Variants in FBXL17 observed in about 807,000 individuals in gnomAD.
FBXL17 encodes F-box/LRR-repeat protein 17.
FBXL17 carries 22 observed loss-of-function variants against 66.2 expected under a neutral mutation model. The ratio of observed to expected loss-of-function variants is 0.33; its 90% CI spans 0.24 to 0.47. FBXL17 has a LOEUF of 0.47. Among genes scored for constraint, FBXL17 ranks in the 20% least tolerant of loss-of-function variants. FBXL17 has a pLI of 1.00. For synonymous variants in FBXL17, 474 were observed against 400.5 expected (o/e 1.18, Z -2.19); for missense variants, 878 against 948.2 (o/e 0.93, Z 0.97).
intron 7 of FBXL17, among the ~76,000 whole-genome samples, chr5:107,996,516 C>T (rs1356034374): frequency 4.6e-5 from 7 of 152,074 alleles, no homozygotes; most frequent in African/African-American, 1.4e-4. Flanking sequence ...GGTTTTGCCA[C>T]GTTGGCCAGG....
chr5:108,174,288 G>C (rs1009497930), intron 6 of FBXL17, among the ~76,000 whole-genome samples: 5 of 152,076 alleles, frequency 3.3e-5, no homozygotes, highest in Admixed American at 1.3e-4. Context: ...ATATGGATGA[G>C]AGATATATTG....
chr5:107,875,727 T>C (rs1431743777), intron 8 of FBXL17, among the ~76,000 whole-genome samples: 1 of 152,258 alleles, frequency 6.6e-6, no homozygotes, highest in Non-Finnish European at 1.5e-5. Context: ...AAGAAATCAC[T>C]ATTTCACTCC....
intron 6 of FBXL17, among the ~76,000 whole-genome samples, chr5:108,138,856 G>C (rs1751245204): frequency 6.6e-6 from 1 of 152,170 alleles, no homozygotes; most frequent in South Asian, 2.1e-4. Flanking sequence ...ATAAAGAGGA[G>C]ATCAAGTTGC....
intron 4 of FBXL17, among the ~76,000 whole-genome samples, chr5:108,318,976 C>A (rs1759495650): frequency 6.6e-6 from 1 of 151,630 alleles, no homozygotes; most frequent in African/African-American, 2.4e-5. Context: ...AAGGCCAAAC[C>A]CAACCATGAC....
chr5:107,881,169 G>C lies in FBXL17; in HGVS notation c.1833C>G (p.Ala611=). 1.2e-6 allele frequency: 2 copies of C among 1,604,702 alleles called. No homozygotes were observed. Among genetic ancestry groups the C allele is most frequent in the Non-Finnish European group, 1.7e-6 (2 of 1,173,804 alleles). Reference sequence around the variant, plus strand: ...CTATTGTCATGCTGTATCGCCCAATGGCTATCAGTGCTGCAAGAAGGGACG... The same window carrying C: ...CTATTGTCATGCTGTATCGCCCAATCGCTATCAGTGCTGCAAGAAGGGACG... ...SCKITDYALI[A]IGRYSMTIET... Residue 611 remains alanine (A), a synonymous_variant, in exon 8 of 9, where the codon GCC becomes GCG. Coordinates refer to ENST00000542267, the MANE Select transcript of FBXL17 (RefSeq NM_001163315.3).
At chr5:108,379,673 C>T (rs545072401) in intron 1 of FBXL17, among the ~76,000 whole-genome samples, 55 of 152,182 alleles carry the variant, frequency 3.6e-4, no homozygotes, top group Admixed American at 2.3e-3. Context: ...TAGTATCATC[C>T]ACAATGAAAA....
chr5:108,298,191 C>T, intron 4 of FBXL17: 2 of 980,082 alleles, frequency 2.0e-6, no homozygotes, highest in Non-Finnish European at 2.4e-6. Flanking sequence ...GAAAGTACAG[C>T]TCCATATGAT....
chr5:108,059,270 A>T (rs924011872), intron 6 of FBXL17, among the ~76,000 whole-genome samples: 1 of 152,190 alleles, frequency 6.6e-6, no homozygotes, highest in Non-Finnish European at 1.5e-5. Context: ...ATTATTCTAA[A>T]GGTATAGACA....
intron 7 of FBXL17, among the ~76,000 whole-genome samples, chr5:107,948,681 C>T (rs905700444): frequency 6.6e-6 from 1 of 152,180 alleles, no homozygotes; most frequent in Non-Finnish European, 1.5e-5. Flanking sequence ...TCTTCCTTGG[C>T]CTTCAAGGCA....
At chr5:108,210,710 TGAG>T (rs1328801526) in intron 5 of FBXL17, among the ~76,000 whole-genome samples, 1 of 152,242 alleles carries the variant, frequency 6.6e-6, no homozygotes, top group Non-Finnish European at 1.5e-5. Flanking sequence ...TTGCATTTGC[TGAG>T]GAGTGTTTTA....
At chr5:108,098,256 A>G (rs1451331170) in intron 6 of FBXL17, among the ~76,000 whole-genome samples, 1 of 151,204 alleles carries the variant, frequency 6.6e-6, no homozygotes, top group East Asian at 1.9e-4. Flanking sequence ...TTCCTAATAA[A>G]TGTTTTGATT....
chr5:108,028,052 C>T (rs17160874), intron 6 of FBXL17, among the ~76,000 whole-genome samples: 2,208 of 152,168 alleles, frequency 0.015, 36 homozygotes, highest in African/African-American at 0.04. Context: ...AAGACTTTGT[C>T]ACCCTACATG....
chr5:108,151,823 T>C (rs78426669), intron 6 of FBXL17, among the ~76,000 whole-genome samples: 2,147 of 152,272 alleles, frequency 0.014, 50 homozygotes, highest in African/African-American at 0.047. Flanking sequence ...CATTAATGGT[T>C]CTAATAATGA....
intron 4 of FBXL17, among the ~76,000 whole-genome samples, chr5:108,296,252 G>A (rs1758345914): frequency 6.6e-6 from 1 of 151,736 alleles, no homozygotes; most frequent in South Asian, 2.1e-4. Flanking sequence ...ACATTAAGTG[G>A]ATAAGGAAAA....
At chr5:108,048,436 A>C (rs1362781554) in intron 6 of FBXL17, among the ~76,000 whole-genome samples, 1 of 152,186 alleles carries the variant, frequency 6.6e-6, no homozygotes. Flanking sequence ...GCAAGGTTAC[A>C]GAACTGGGCA....
At chr5:108,254,514 T>TGATCA in intron 4 of FBXL17, among the ~76,000 whole-genome samples, 1 of 152,200 alleles carries the variant, frequency 6.6e-6, no homozygotes, top group African/African-American at 2.4e-5. Flanking sequence ...CATCAGGATA[T>TGATCA]TCTGTAGGCA....
chr5:108,339,192 A>T (rs1746715514), intron 4 of FBXL17, among the ~76,000 whole-genome samples: 1 of 152,226 alleles, frequency 6.6e-6, no homozygotes, highest in Admixed American at 6.5e-5. Flanking sequence ...TAGTCACTGA[A>T]ATAACTGGGA....
At chr5:108,129,944 C>CCAGA (rs1611024) in intron 6 of FBXL17, among the ~76,000 whole-genome samples, 123,643 of 151,242 alleles carry the variant, frequency 0.82, 51,213 homozygotes, top group African/African-American at 0.95. Context: ...TAAAAAGTGA[C>CCAGA]CAATGTGATA....
rs551067698 is a variant in FBXL17, at chr5:108,277,732, T to C, written c.1507-53504A>G. Among the ~76,000 whole-genome samples, 135 of 152,316 alleles carry C rather than the reference T, an allele frequency of 8.9e-4. 1 individual carries two copies. The highest frequency in any genetic ancestry group is 3.2e-3 in the African/African-American group (132 of 41,572). ...AAAAAACAAAGGAATACCTCAGAGATATTGCAGGTTCAGTTCCAGACCACC... is the reference window on the plus strand; with the variant it reads ...AAAAAACAAAGGAATACCTCAGAGACATTGCAGGTTCAGTTCCAGACCACC... On this transcript the variant is annotated intron_variant, in intron 4 of 8. Transcript: ENST00000542267.
Sources: gnomAD v4.1 joint callset for allele counts (sites outside exome capture counted in the v4.1 genomes callset) on GRCh38, gnomAD v4.1.1 for gene constraint, MANE v1.5 for transcripts, NCBI Gene and HGNC (gene_info 2026-07-23, HGNC 2026-07-21) for gene names.